Variants in TMEM63B observed in about 807,000 individuals in gnomAD.
TMEM63B encodes the protein mechanosensitive cation channel TMEM63B.
In TMEM63B, 23 loss-of-function variants were observed where a neutral mutation model predicts 102.6. That is an observed-to-expected ratio of 0.22 (90% CI 0.16 to 0.32). The LOEUF is 0.32. Ranked by LOEUF, TMEM63B falls within the 10% of genes least tolerant of loss-of-function variation. The probability of loss-of-function intolerance (pLI) is 1.00; values close to 1 mark genes in which losing one functional copy is unlikely to be tolerated. For synonymous variants in TMEM63B, 444 were observed against 437.0 expected (o/e 1.02, Z -0.20); for missense variants, 628 against 1,095.9 (o/e 0.57, Z 6.03).
In TMEM63B at chr6:44,152,637, G is replaced by A; in HGVS notation, c.1881G>A (p.Met627Ile). 1 of 1,608,904 alleles carries A rather than the reference G, an allele frequency of 6.2e-7. No individual in the cohort carries two copies. Among genetic ancestry groups the A allele is most frequent in the Non-Finnish European group, 8.5e-7 (1 of 1,179,976 alleles). The change falls in exon 20 of 24, where the codon ATG becomes ATA. Residue 627 changes from methionine (M) to isoleucine (I), a missense_variant. Transcript: ENST00000323267. This position sits in a 1 kb window ranked among gnomAD's most constrained non-coding sequence, Gnocchi z 6.4. ...EFQFGAAYAW[M>I]MCVFTVVMTY... The stretch of plus-strand genomic sequence containing the variant: ...AGTTTGGCGCAGCCTACGCCTGGAT[G>A]ATGTGCGTCTTCACGGTGGTCATGA...
Position 44,148,175 on chromosome 6 carries a change from A to C in TMEM63B, c.988-77A>C, listed in dbSNP as rs1238288398. On this transcript the variant is annotated intron_variant, in intron 12 of 23. Transcript: ENST00000323267. The surrounding 1 kb of genome is among the most constrained non-coding windows in gnomAD (Gnocchi z 5.1). Reference sequence around the variant, plus strand: ...AGTGCCTGGCTTGTAGGAAGCCCCAAGTCAGCGTGGGCTGGATGCTGCAGG... The same window carrying C: ...AGTGCCTGGCTTGTAGGAAGCCCCACGTCAGCGTGGGCTGGATGCTGCAGG... 1 of 1,578,586 alleles carries C rather than the reference A, an allele frequency of 6.3e-7. No individual in the cohort carries two copies. Among genetic ancestry groups the C allele is most frequent in the African/African-American group, 1.4e-5 (1 of 73,222 alleles).
intron 1 of TMEM63B, among the ~76,000 whole-genome samples, chr6:44,133,046 G>A (rs1582761669): frequency 6.6e-6 from 1 of 152,272 alleles, no homozygotes; most frequent in Non-Finnish European, 1.5e-5. Flanking sequence ...CAGGATCGTC[G>A]AGGATTAAAT....
At chr6:44,138,237 G>A (rs1763402891) in intron 5 of TMEM63B, 2 of 408,794 alleles carry the variant, frequency 4.9e-6, no homozygotes, top group South Asian at 2.5e-5. Context: ...CTGTAGATCT[G>A]GACATGGGGA....
intron 22 of TMEM63B, 54 bp from the exon 23 acceptor site, chr6:44,154,311 T>C: frequency 1.2e-6 from 2 of 1,608,392 alleles, no homozygotes; most frequent in South Asian, 1.1e-5. Flanking sequence ...CGTGGGGTCA[T>C]GATCAGGGCT....
intron 9 of TMEM63B, 69 bp from the exon 10 acceptor site, chr6:44,140,959 C>G: frequency 7.2e-7 from 1 of 1,394,786 alleles, no homozygotes; most frequent in Non-Finnish European, 1.0e-6. Flanking sequence ...TAGTGCCCCC[C>G]ACCCCTCACA....
chr6:44,130,475 G>A (rs1337822393), intron 1 of TMEM63B, among the ~76,000 whole-genome samples: 1 of 147,596 alleles, frequency 6.8e-6, no homozygotes, highest in African/African-American at 2.5e-5. Flanking sequence ...GTCTCTGTCT[G>A]TCGCCCAGGA....
At chr6:44,135,412 C>A in intron 4 of TMEM63B, 46 bp downstream of exon 4, 2 of 1,578,514 alleles carry the variant, frequency 1.3e-6, no homozygotes, top group East Asian at 4.5e-5. Flanking sequence ...CCAGCTTTCC[C>A]TTTTCTTCTC....
At chr6:44,143,646 G>A (rs1470119559) in intron 10 of TMEM63B, among the ~76,000 whole-genome samples, 7 of 152,078 alleles carry the variant, frequency 4.6e-5, no homozygotes, top group Non-Finnish European at 5.9e-5. Flanking sequence ...GGAGGAGCTG[G>A]GGGTATAGCA....
chr6:44,132,520 T>C (rs1762140181), intron 1 of TMEM63B, among the ~76,000 whole-genome samples: 1 of 152,110 alleles, frequency 6.6e-6, no homozygotes, highest in Admixed American at 6.5e-5. Flanking sequence ...TGGAGTACAT[T>C]GGAGTTGAGA....
rs1237862572 is a variant in TMEM63B at position 44,147,635 on chromosome 6, CT to C, written c.987+136del. ...CCTCAGTTCCCACTGTTGGGTTTGT[CT>C]AATGTCCCTACAGTGACCAGGTTTT... On this transcript the variant is annotated intron_variant, in intron 12 of 23. Transcript: ENST00000323267. 23 of 1,266,150 alleles carry C rather than the reference CT, an allele frequency of 1.8e-5. No homozygotes were observed. The East Asian group carries it at 5.9e-4, about 32-fold the overall frequency. The allele number at this position is 1,266,150 out of a possible 1,614,324, so 78.4% of individuals were successfully genotyped here. A position where few individuals can be genotyped will look rare whatever the true frequency, so the allele number is the denominator to read the frequency against.
At position 44,150,451 on chromosome 6, in the gene TMEM63B, A is replaced by C; in HGVS notation, c.1608-113A>C. The stretch of plus-strand genomic sequence containing the variant: ...TGGCCACCCCCAGGCCTCCTGAGCT[A>C]CCCACCCCATGTCTGGGAGTCTCCC... On this transcript the variant is annotated intron_variant, in intron 17 of 23. Transcript: ENST00000323267. The surrounding 1 kb of genome is among the most constrained non-coding windows in gnomAD (Gnocchi z 4.7). 1 of 1,469,190 alleles carries C rather than the reference A, an allele frequency of 6.8e-7. No homozygotes were observed. The highest frequency in any genetic ancestry group is 9.5e-7 in the Non-Finnish European group (1 of 1,053,274). 91.0% of individuals were successfully genotyped at this position (1,469,190 alleles called of 1,614,324 possible).
chr6:44,138,751 T>TCCCTG, intron 6 of TMEM63B: 3 of 354,182 alleles, frequency 8.5e-6, no homozygotes, highest in South Asian at 7.6e-5. Flanking sequence ...CCCGCTTCTC[T>TCCCTG]CCCTGCCCTG....
At chr6:44,130,562 C>A (rs1778070851) in intron 1 of TMEM63B, among the ~76,000 whole-genome samples, 2 of 150,868 alleles carry the variant, frequency 1.3e-5, no homozygotes, top group Non-Finnish European at 3.0e-5. Context: ...ACCTCAGCTT[C>A]CGGAGTAGCT....
intron 21 of TMEM63B, 51 bp downstream of exon 21, chr6:44,153,894 AG>A (rs756826095): frequency 6.3e-7 from 1 of 1,592,100 alleles, no homozygotes; most frequent in Non-Finnish European, 8.6e-7. Flanking sequence ...AGTGGATTCC[AG>A]CCAGAGCAGG....
At chr6:44,145,332 G>A (rs1029794487) in intron 10 of TMEM63B, among the ~76,000 whole-genome samples, 1 of 148,942 alleles carries the variant, frequency 6.7e-6, no homozygotes, top group Non-Finnish European at 1.5e-5. Context: ...TATAATCCCA[G>A]CACTTTGGGA....
chr6:44,146,751 A>G, intron 10 of TMEM63B, 96 bp from the exon 11 acceptor site: 1 of 1,215,248 alleles, frequency 8.2e-7, no homozygotes, highest in Non-Finnish European at 1.2e-6. Context: ...ACGTCCAGCC[A>G]GAGATGTGTT....
chr6:44,144,692 G>A (rs895780739), intron 10 of TMEM63B, among the ~76,000 whole-genome samples: 1 of 151,898 alleles, frequency 6.6e-6, no homozygotes, highest in African/African-American at 2.4e-5. Context: ...GACCTCCTGG[G>A]CTGAATCGAT....
At position 44,153,923 on chromosome 6, in the gene TMEM63B, T is replaced by C. The variant is rs899236565; in HGVS notation, c.2110+80T>C. ...AGAGCAGGCCACAGGAGAAGCCGCA[T>C]GGCTGGGGGTGGCAGGCAAGGGGCC... is the stretch of plus-strand genomic sequence containing the variant. On this transcript the variant is annotated intron_variant, in intron 21 of 23. Coordinates refer to ENST00000323267, the MANE Select transcript of TMEM63B (RefSeq NM_018426.3). 9 of 1,574,560 alleles carry C rather than the reference T, an allele frequency of 5.7e-6. No individual in the cohort carries two copies. The East Asian group carries it at 2.0e-4, about 35-fold the overall frequency.
At position 44,154,411 on chromosome 6, in the gene TMEM63B, G is replaced by A. The variant is rs1221158138; in HGVS notation, c.2273G>A (p.Arg758Gln). The part of the protein sequence containing the change: ...TDTVDPRSNG[R>Q]PPTAAAVPKS... ...ACTGTGGACCCCAGAAGCAATGGAC[G>A]GCCCCCCACTGCTGCTGCTGTCCCC... Residue 758 changes from arginine to glutamine, a missense_variant, in exon 23 of 24, where the codon CGG (arginine) becomes CAG (glutamine). Arg to Gln is a conservative substitution (Grantham distance 43, BLOSUM62 1). Around this residue, in one of 6 missense-constraint regions of TMEM63B, gnomAD observed 129 missense variants for 153.5 expected, o/e 0.84. Coordinates refer to ENST00000323267, the MANE Select transcript of TMEM63B (RefSeq NM_018426.3). 8 of 1,614,022 alleles carry A rather than the reference G, an allele frequency of 5.0e-6. No homozygotes were observed. The highest frequency in any genetic ancestry group is 1.7e-4 in the Middle Eastern group (1 of 6,060).
Sources: allele counts gnomAD v4.1 joint callset (sites outside exome capture counted in the v4.1 genomes callset), GRCh38; gene constraint gnomAD v4.1.1; regional missense constraint gnomAD v4.1.1; non-coding constraint Gnocchi (gnomAD v3.1); transcripts MANE v1.5; gene names NCBI Gene and HGNC (gene_info 2026-07-23, HGNC 2026-07-21).